LINGO2: variants seen among roughly 807,000 people sequenced by gnomAD.
LINGO2 encodes the protein leucine rich repeat and Ig domain containing 2.
A neutral mutation model predicts 30.6 loss-of-function variants in LINGO2; 14 were observed. The ratio of observed to expected loss-of-function variants is 0.46; its 90% confidence interval spans 0.30 to 0.72. The LOEUF (loss-of-function observed/expected upper bound fraction) is 0.72. Among genes scored for constraint, LINGO2 ranks in the 30% least tolerant of loss-of-function variants. The probability of loss-of-function intolerance (pLI) is 0.07; values close to 1 mark genes in which losing one functional copy is unlikely to be tolerated. For missense variants in LINGO2, 729 were observed against 751.7 expected (o/e 0.97, Z 0.35); for synonymous variants, 317 against 288.5 (o/e 1.10, Z -1.00).
At chr9:28,353,338 C>T (rs772759614) in intron 3 of LINGO2, among the ~76,000 whole-genome samples, 14,416 of 148,582 alleles carry the variant, frequency 0.097, 876 homozygotes, top group Admixed American at 0.15. Context: ...CAAAAGTGGG[C>T]GAAGGACATG....
chr9:28,639,726 G>A (rs1202683018), intron 1 of LINGO2, among the ~76,000 whole-genome samples: 1 of 152,104 alleles, frequency 6.6e-6, no homozygotes, highest in Non-Finnish European at 1.5e-5. Flanking sequence ...CTGCATGTGA[G>A]GTGGGTCTCC....
At chr9:28,054,064 C>CAAAAAAAAAAAAAAAAAAAAAA (rs11461978) in intron 4 of LINGO2, among the ~76,000 whole-genome samples, 2 of 149,188 alleles carry the variant, frequency 1.3e-5, no homozygotes, top group African/African-American at 4.9e-5. Flanking sequence ...AGCTAGCAGA[C>CAAAAAAAAAAAAAAAAAAAAAA]AAAAAAAAAG....
intron 1 of LINGO2, among the ~76,000 whole-genome samples, chr9:28,587,504 G>C (rs1239144092): frequency 6.6e-6 from 1 of 151,918 alleles, no homozygotes; most frequent in Non-Finnish European, 1.5e-5. Context: ...GCTGGTGTGA[G>C]TGGTAAAGGT....
At chr9:28,307,895 G>C (rs1243089554) in intron 3 of LINGO2, among the ~76,000 whole-genome samples, 1 of 152,102 alleles carries the variant, frequency 6.6e-6, no homozygotes. Flanking sequence ...ACCTCTTCAA[G>C]GAGAACTACA....
chr9:27,937,629 G>A, the LINGO2 span: 2 of 152,074 alleles, frequency 1.3e-5, no homozygotes, highest in East Asian at 3.9e-4. Context: ...TTTTAAGAAA[G>A]TATTTTATTT....
At chr9:28,665,534 G>A (rs1378119717) in intron 1 of LINGO2, among the ~76,000 whole-genome samples, 1 of 152,036 alleles carries the variant, frequency 6.6e-6, no homozygotes, top group Non-Finnish European at 1.5e-5. Flanking sequence ...CTCCTTAATG[G>A]AGAAACTTCA....
chr9:28,047,071 C>T (rs953111124), intron 4 of LINGO2, among the ~76,000 whole-genome samples: 3 of 152,056 alleles, frequency 2.0e-5, no homozygotes, highest in Non-Finnish European at 4.4e-5. Context: ...CAAACAATCC[C>T]CATAAGCAGA....
chr9:28,945,607 G>A, the LINGO2 span, among the ~76,000 whole-genome samples: 1 of 152,100 alleles, frequency 6.6e-6, no homozygotes. Flanking sequence ...AATTGCTCTG[G>A]TTCTGAATAA....
chr9:28,460,336 T>C (rs552360195), intron 2 of LINGO2, among the ~76,000 whole-genome samples: 1 of 152,254 alleles, frequency 6.6e-6, no homozygotes, highest in African/African-American at 2.4e-5. Context: ...GCTTGCAAAA[T>C]AAATGACCTT....
chr9:28,477,702 C>T (rs937372918), intron 1 of LINGO2, among the ~76,000 whole-genome samples: 1 of 152,160 alleles, frequency 6.6e-6, no homozygotes, highest in Non-Finnish European at 1.5e-5. Context: ...ATAGCAAGAG[C>T]TTTCTACCTG....
chr9:28,340,506 A>G (rs1053415874), intron 3 of LINGO2, among the ~76,000 whole-genome samples: 2 of 152,152 alleles, frequency 1.3e-5, no homozygotes, highest in Non-Finnish European at 2.9e-5. Context: ...TCACACTAAA[A>G]TAAATAGAAC....
At chr9:29,058,652 C>G in the LINGO2 span, among the ~76,000 whole-genome samples, 1 of 151,466 alleles carries the variant, frequency 6.6e-6, no homozygotes, top group Non-Finnish European at 1.5e-5. Context: ...CATACCAAGG[C>G]ACATCATAAT....
the LINGO2 span, among the ~76,000 whole-genome samples, chr9:28,924,295 A>G: frequency 0.73 from 111,430 of 151,978 alleles, 41,063 homozygotes; most frequent in Non-Finnish European, 0.78. Flanking sequence ...ATCTCAGCTC[A>G]CTGTTCAATC....
chr9:28,850,043 C>A, the LINGO2 span, among the ~76,000 whole-genome samples: 1 of 151,946 alleles, frequency 6.6e-6, no homozygotes, highest in Non-Finnish European at 1.5e-5. Flanking sequence ...GCTTATAATA[C>A]CCACTTTAGT....
At chr9:28,534,403 T>C (rs915946175) in intron 1 of LINGO2, among the ~76,000 whole-genome samples, 50 of 152,304 alleles carry the variant, frequency 3.3e-4, no homozygotes, top group African/African-American at 1.2e-3. Context: ...CTGTTTTTAC[T>C]GAAAACACAT....
At chr9:28,409,806 C>G (rs1253606736) in intron 2 of LINGO2, among the ~76,000 whole-genome samples, 1 of 151,824 alleles carries the variant, frequency 6.6e-6, no homozygotes, top group Non-Finnish European at 1.5e-5. Flanking sequence ...CAGATACCAT[C>G]TAGCCCAACA....
intron 3 of LINGO2, among the ~76,000 whole-genome samples, chr9:28,300,360 A>T (rs1824094408): frequency 6.6e-6 from 1 of 152,142 alleles, no homozygotes; most frequent in African/African-American, 2.4e-5. Flanking sequence ...ATAAAGCAAG[A>T]TCTAAGGTAA....
chr9:28,832,811 C>G, the LINGO2 span, among the ~76,000 whole-genome samples: 14 of 152,234 alleles, frequency 9.2e-5, no homozygotes, highest in South Asian at 2.9e-3. Flanking sequence ...AAGGCACTTC[C>G]TGAGTCAACC....
At chr9:28,845,349 C>A in the LINGO2 span, among the ~76,000 whole-genome samples, 1 of 151,818 alleles carries the variant, frequency 6.6e-6, no homozygotes, top group African/African-American at 2.4e-5. Context: ...ATAGTAAATT[C>A]TCTAGCATCC....
Sources: allele counts gnomAD v4.1 joint callset (sites outside exome capture counted in the v4.1 genomes callset), GRCh38; gene constraint gnomAD v4.1.1; transcripts MANE v1.5; gene names NCBI Gene and HGNC (gene_info 2026-07-23, HGNC 2026-07-21).